EPHA6: variants seen among roughly 807,000 people sequenced by gnomAD.
EPHA6 encodes EPH receptor A6, also known as ephrin type-A receptor 6.
EPHA6 carries 50 observed loss-of-function variants against 112.0 expected under a neutral mutation model. The observed-to-expected ratio is 0.45, with a 90% confidence interval of 0.36 to 0.56. The LOEUF (loss-of-function observed/expected upper bound fraction) is 0.56, where lower values mean the gene tolerates loss of function less well. EPHA6 is among the 20% of genes least tolerant of loss of function. The pLI is 0.00. For synonymous variants in EPHA6, 529 were observed against 490.7 expected (o/e 1.08, Z -1.03); for missense variants, 1,280 against 1,417.4 (o/e 0.90, Z 1.56).
At chr3:97,542,263 A>G (rs2092870084) in intron 11 of EPHA6, among the ~76,000 whole-genome samples, 1 of 151,846 alleles carries the variant, frequency 6.6e-6, no homozygotes, top group African/African-American at 2.4e-5. Flanking sequence ...CCACTACAGT[A>G]CCCAGTGTGT....
intron 14 of EPHA6, chr3:97,646,392 A>G (rs2094063700): frequency 2.0e-6 from 2 of 980,420 alleles, no homozygotes; most frequent in Admixed American, 6.7e-5. Context: ...AATACACTAA[A>G]GTAAATGAAG....
At chr3:97,076,521 G>A (rs1321356787) in intron 3 of EPHA6, among the ~76,000 whole-genome samples, 1 of 152,200 alleles carries the variant, frequency 6.6e-6, no homozygotes, top group Non-Finnish European at 1.5e-5. Context: ...ATAATGCAAG[G>A]TGAAGCAGCA....
chr3:96,901,383 T>G (rs2038601532), intron 2 of EPHA6, among the ~76,000 whole-genome samples: 1 of 152,146 alleles, frequency 6.6e-6, no homozygotes, highest in African/African-American at 2.4e-5. Context: ...GAAATATATT[T>G]TGTCATTGCC....
chr3:97,620,353 C>T (rs1414075185), intron 13 of EPHA6, among the ~76,000 whole-genome samples: 6 of 151,832 alleles, frequency 4.0e-5, no homozygotes, highest in Admixed American at 2.0e-4. Context: ...AGGAGATAGG[C>T]ACGGCCAAAA....
chr3:97,076,261 T>C (rs1289118358), intron 3 of EPHA6, among the ~76,000 whole-genome samples: 1 of 152,150 alleles, frequency 6.6e-6, no homozygotes, highest in Non-Finnish European at 1.5e-5. Context: ...AAAGTGCTAC[T>C]CCATTAAACA....
intron 3 of EPHA6, among the ~76,000 whole-genome samples, chr3:97,122,429 A>C (rs1272668423): frequency 6.6e-6 from 1 of 152,106 alleles, no homozygotes; most frequent in Non-Finnish European, 1.5e-5. Context: ...CCTGTTATAC[A>C]TCATGTTGGT....
chr3:97,641,237 G>A (rs532208044), intron 14 of EPHA6, among the ~76,000 whole-genome samples: 1 of 152,238 alleles, frequency 6.6e-6, no homozygotes, highest in East Asian at 1.9e-4. Flanking sequence ...ATGATCATTG[G>A]CATTCTGTCA....
chr3:96,891,123 A>G (rs1163713939), intron 2 of EPHA6, among the ~76,000 whole-genome samples: 2 of 152,192 alleles, frequency 1.3e-5, no homozygotes, highest in African/African-American at 4.8e-5. Flanking sequence ...CAACCTGGCT[A>G]TTCTACCTCT....
At chr3:97,417,608 T>C (rs1454183746) in intron 6 of EPHA6, among the ~76,000 whole-genome samples, 1 of 151,824 alleles carries the variant, frequency 6.6e-6, no homozygotes, top group Admixed American at 6.6e-5. Flanking sequence ...TTGCCTTCTC[T>C]TGTCCAAAAA....
intron 11 of EPHA6, among the ~76,000 whole-genome samples, chr3:97,539,644 T>A (rs2092820717): frequency 6.6e-6 from 1 of 152,190 alleles, no homozygotes; most frequent in African/African-American, 2.4e-5. Flanking sequence ...GTTTCTCTTC[T>A]TTTTCTAAAT....
chr3:96,848,108 A>G (rs539497572), intron 1 of EPHA6, among the ~76,000 whole-genome samples: 1 of 152,200 alleles, frequency 6.6e-6, no homozygotes, highest in Non-Finnish European at 1.5e-5. Flanking sequence ...ATTTATACAT[A>G]TATTTCATTA....
rs142663889 is a variant in EPHA6, at chr3:97,727,825, A to T, written c.2934+7415A>T. ...CATACTAATTACATGAGTATGATGT[A>T]CATCTGCTACAGAGGCAAGAATAAT... is the stretch of plus-strand genomic sequence containing the variant. On this transcript the variant is annotated intron_variant, in intron 15 of 17. Coordinates refer to ENST00000389672, the MANE Select transcript of EPHA6 (RefSeq NM_001080448.3). Among the ~76,000 whole-genome samples the T allele has an allele frequency of 2.3e-3, 345 of 152,186 alleles. 2 individuals carry two copies. Among genetic ancestry groups the T allele is most frequent in the African/African-American group, 7.9e-3 (330 of 41,556 alleles).
chr3:97,065,346 G>A (rs2046145025), intron 3 of EPHA6, among the ~76,000 whole-genome samples: 1 of 152,082 alleles, frequency 6.6e-6, no homozygotes, highest in Non-Finnish European at 1.5e-5. Context: ...CATGAAATAT[G>A]CATGTTACCA....
chr3:97,005,646 A>C (rs1576305214), intron 3 of EPHA6, among the ~76,000 whole-genome samples: 1 of 152,054 alleles, frequency 6.6e-6, no homozygotes. Flanking sequence ...AGAACTTCCA[A>C]TACTATGTTG....
rs1188633587 is a variant in EPHA6, at chr3:96,954,875, G to C, written c.451-32455G>C. Among the ~76,000 whole-genome samples, 3 of 132,924 alleles carry C rather than the reference G, an allele frequency of 2.3e-5. No homozygotes were observed. In the Admixed American group the frequency reaches 2.7e-4, roughly 12 times the overall value. The allele number at this position is 132,924 out of a possible 152,430, so 87.2% of individuals were successfully genotyped here. ...GTGGCGCAATCTCGGCTCACTGCAA[G>C]CTCCGCTTCCCGGGTTCACGCCATT... is the stretch of plus-strand genomic sequence containing the variant. On this transcript the variant is annotated intron_variant, in intron 2 of 17. Coordinates refer to ENST00000389672, the MANE Select transcript of EPHA6 (RefSeq NM_001080448.3).
intron 3 of EPHA6, among the ~76,000 whole-genome samples, chr3:97,032,884 T>C (rs1012825883): frequency 1.3e-5 from 2 of 151,900 alleles, no homozygotes; most frequent in Non-Finnish European, 2.9e-5. Context: ...TGAACTGAAG[T>C]AAAGTATATG....
At chr3:97,256,049 A>T (rs1313489464) in intron 5 of EPHA6, among the ~76,000 whole-genome samples, 1 of 152,114 alleles carries the variant, frequency 6.6e-6, no homozygotes, top group Non-Finnish European at 1.5e-5. Context: ...TTTTCTTATG[A>T]TATGGTCTCT....
intron 2 of EPHA6, among the ~76,000 whole-genome samples, chr3:96,893,551 A>C (rs921280681): frequency 6.6e-6 from 1 of 152,328 alleles, no homozygotes; most frequent in East Asian, 1.9e-4. Context: ...TGATTATTGC[A>C]CACCAGTCAG....
chr3:97,489,065 G>A (rs960222044), intron 10 of EPHA6, among the ~76,000 whole-genome samples: 5 of 152,168 alleles, frequency 3.3e-5, no homozygotes, highest in Admixed American at 6.5e-5. Flanking sequence ...AGAAATTTGG[G>A]TCACTCCATG....
Sources: gnomAD v4.1 joint callset for allele counts (sites outside exome capture counted in the v4.1 genomes callset) on GRCh38, gnomAD v4.1.1 for gene constraint, MANE v1.5 for transcripts, NCBI Gene and HGNC (gene_info 2026-07-23, HGNC 2026-07-21) for gene names.